Variants in ZNF420 observed in about 807,000 individuals in gnomAD.
ZNF420 encodes the protein ATM and p53-associated KZNF protein.
A neutral mutation model predicts 44.7 loss-of-function variants in ZNF420; 31 were observed. The ratio of observed to expected loss-of-function variants is 0.69; its 90% CI spans 0.52 to 0.94. The LOEUF is 0.94. ZNF420 is among the 40% of genes least tolerant of loss of function. ZNF420 has a pLI of 0.00. For missense variants in ZNF420, 681 were observed against 827.9 expected (o/e 0.82, Z 2.18); for synonymous variants, 245 against 267.4 (o/e 0.92, Z 0.82).
chr19:37,120,223 A>G (rs913946503), intron 4 of ZNF420, among the ~76,000 whole-genome samples: 1 of 152,258 alleles, frequency 6.6e-6, no homozygotes, highest in Non-Finnish European at 1.5e-5. Context: ...AAAATCCTCA[A>G]TAAAATACTG....
chr19:37,074,668 C>T (rs1472137938), upstream of ZNF420, among the ~76,000 whole-genome samples: 2 of 152,066 alleles, frequency 1.3e-5, no homozygotes, highest in Admixed American at 6.5e-5. Flanking sequence ...TATGTATATT[C>T]ATGATATCGA....
intron 1 of ZNF420, among the ~76,000 whole-genome samples, chr19:37,022,753 G>A (rs551295856): frequency 4.3e-4 from 65 of 151,784 alleles, no homozygotes; most frequent in South Asian, 1.7e-3. Flanking sequence ...TACTACTATC[G>A]CCATTTACAT....
At chr19:37,113,777 A>G (rs956937892) in intron 4 of ZNF420, among the ~76,000 whole-genome samples, 2 of 152,180 alleles carry the variant, frequency 1.3e-5, no homozygotes, top group Admixed American at 6.5e-5. Context: ...TGTTCCTAAT[A>G]GTTGATCTGC....
chr19:37,053,287 C>G (rs1967673878), intron 1 of ZNF420, among the ~76,000 whole-genome samples: 1 of 152,128 alleles, frequency 6.6e-6, no homozygotes, highest in Non-Finnish European at 1.5e-5. Context: ...CGTTTTTAAC[C>G]TCTTTGCCAT....
chr19:37,015,931 G>A (rs1157439016), intron 1 of ZNF420, among the ~76,000 whole-genome samples: 1 of 152,162 alleles, frequency 6.6e-6, no homozygotes, highest in African/African-American at 2.4e-5. Flanking sequence ...TGTTTCTCAT[G>A]GGCCTAGGGT....
chr19:37,068,414 C>T (rs181116816), intron 1 of ZNF420, among the ~76,000 whole-genome samples: 3,735 of 151,974 alleles, frequency 0.025, 83 homozygotes, highest in East Asian at 0.078. Flanking sequence ...CTGAGGCGGG[C>T]GGATCACCTG....
chr19:37,106,069 T>C (rs968348182), intron 4 of ZNF420, among the ~76,000 whole-genome samples: 1 of 152,220 alleles, frequency 6.6e-6, no homozygotes, highest in Non-Finnish European at 1.5e-5. Context: ...CAACACTATG[T>C]TGAATAGGAG....
intron 1 of ZNF420, chr19:37,025,332 C>A: frequency 5.3e-6 from 1 of 187,694 alleles, no homozygotes; most frequent in Non-Finnish European, 1.1e-5. Context: ...TTCTTCTTAC[C>A]TGTCTGAAAA....
chr19:37,056,039 C>T (rs1416415332), intron 1 of ZNF420, among the ~76,000 whole-genome samples: 1 of 152,122 alleles, frequency 6.6e-6, no homozygotes, highest in Non-Finnish European at 1.5e-5. Context: ...TGCTGTGTAT[C>T]TGTGAGTGTG....
intron 4 of ZNF420, among the ~76,000 whole-genome samples, chr19:37,121,163 C>A (rs1479941763): frequency 6.1e-5 from 9 of 146,554 alleles, no homozygotes; most frequent in Non-Finnish European, 9.0e-5. Context: ...GCCCGCATTG[C>A]CAAGTCAATC....
intron 4 of ZNF420, chr19:37,092,896 A>G (rs1482019534): frequency 6.6e-6 from 1 of 152,304 alleles, no homozygotes; most frequent in Non-Finnish European, 1.5e-5. Flanking sequence ...TGAATGGATA[A>G]AATTTGGTAT....
At chr19:37,025,087 C>T in intron 1 of ZNF420, 1 of 273,414 alleles carries the variant, frequency 3.7e-6, no homozygotes, top group Non-Finnish European at 7.5e-6. Flanking sequence ...TTGATGTTGA[C>T]TAAGTCATCC....
intron 4 of ZNF420, among the ~76,000 whole-genome samples, chr19:37,125,601 A>G (rs2045181813): frequency 6.6e-6 from 1 of 152,160 alleles, no homozygotes; most frequent in South Asian, 2.1e-4. Context: ...CTTATAAGTC[A>G]AAGTTTCTTT....
chr19:37,037,615 T>C (rs1029122322), intron 1 of ZNF420, among the ~76,000 whole-genome samples: 1 of 152,130 alleles, frequency 6.6e-6, no homozygotes, highest in African/African-American at 2.4e-5. Flanking sequence ...GGGCAAATGC[T>C]CCAGGCTCCT....
chr19:37,021,222 C>G (rs1825810321), intron 1 of ZNF420, among the ~76,000 whole-genome samples: 1 of 152,156 alleles, frequency 6.6e-6, no homozygotes, highest in Non-Finnish European at 1.5e-5. Flanking sequence ...CAGCCATAGA[C>G]AAAAAGTAGA....
rs1470754221 is a variant in ZNF420, at chr19:37,128,316, C to T, written c.1325C>T (p.Thr442Ile). The change falls in exon 5 of 5, where the codon ACT (threonine) becomes ATT (isoleucine). Residue 442 changes from threonine (T) to isoleucine (I), a missense_variant. Physicochemically the swap from Thr to Ile is moderately conservative, Grantham distance 89. Transcript: ENST00000337995. ...SLLTRHQRIH[T>I]GEKPYECKEC... ...CTTACACGACACCAGAGGATTCATACTGGTGAGAAACCCTATGAATGTAAA... is the reference window on the plus strand; with the variant it reads ...CTTACACGACACCAGAGGATTCATATTGGTGAGAAACCCTATGAATGTAAA... The T allele has an allele frequency of 6.2e-7, 1 of 1,614,020 alleles. No individual in the cohort carries two copies. Among genetic ancestry groups the T allele is most frequent in the Non-Finnish European group, 8.5e-7 (1 of 1,179,970 alleles).
At chr19:37,085,667 G>A (rs1968720149) in intron 2 of ZNF420, among the ~76,000 whole-genome samples, 1 of 152,162 alleles carries the variant, frequency 6.6e-6, no homozygotes, top group Non-Finnish European at 1.5e-5. Flanking sequence ...ATCTAGGGGA[G>A]AGGGGAAACT....
chr19:37,030,892 G>A (rs565552413), intron 1 of ZNF420, among the ~76,000 whole-genome samples: 96 of 152,138 alleles, frequency 6.3e-4, no homozygotes, highest in Non-Finnish European at 2.2e-4. Flanking sequence ...GTTTTCTTTC[G>A]TTGTTGTTGT....
chr19:37,068,766 A>G (rs1599630900), intron 1 of ZNF420, among the ~76,000 whole-genome samples: 2 of 152,332 alleles, frequency 1.3e-5, no homozygotes, highest in East Asian at 3.9e-4. Context: ...AAGACTGAAA[A>G]TGAAGAACAG....
Sources: allele counts gnomAD v4.1 joint callset (sites outside exome capture counted in the v4.1 genomes callset), GRCh38; gene constraint gnomAD v4.1.1; transcripts MANE v1.5; gene names NCBI Gene and HGNC (gene_info 2026-07-23, HGNC 2026-07-21).